KCNG4: variants seen among roughly 807,000 people sequenced by gnomAD.
KCNG4 encodes the protein voltage-gated potassium channel regulatory subunit KCNG4.
KCNG4 carries 30 observed loss-of-function variants against 28.2 expected under a neutral mutation model. That is an observed-to-expected ratio of 1.06 (90% CI 0.80 to 1.44). The LOEUF is 1.44. Among genes scored for constraint, KCNG4 ranks in the 40% most tolerant of loss-of-function variants. KCNG4 has a pLI of 0.00. For synonymous variants in KCNG4, 375 were observed against 315.5 expected (o/e 1.19, Z -2.00); for missense variants, 879 against 712.3 (o/e 1.23, Z -2.66).
At chr16:84,232,148 A>G (rs930073982) in intron 2 of KCNG4, among the ~76,000 whole-genome samples, 4 of 152,096 alleles carry the variant, frequency 2.6e-5, no homozygotes, top group African/African-American at 9.7e-5. Context: ...GGTCTTTGGA[A>G]CGTGTCTTTC....
chr16:84,238,426 T>C (rs974591955), intron 1 of KCNG4, among the ~76,000 whole-genome samples: 8 of 152,188 alleles, frequency 5.3e-5, no homozygotes, highest in African/African-American at 1.9e-4. Flanking sequence ...GCTTCCCCAT[T>C]TGGGGAGGCC....
chr16:84,224,823 G>C (rs1904660774), intron 2 of KCNG4, among the ~76,000 whole-genome samples: 1 of 152,188 alleles, frequency 6.6e-6, no homozygotes, highest in Non-Finnish European at 1.5e-5. Flanking sequence ...CACACAGCAA[G>C]TTTTTAGCAA....
intron 2 of KCNG4, among the ~76,000 whole-genome samples, chr16:84,227,018 A>G (rs1229815626): frequency 6.6e-6 from 1 of 152,208 alleles, no homozygotes; most frequent in Non-Finnish European, 1.5e-5. Context: ...AAAAGTTAAA[A>G]AAAAAAAGGA....
chr16:84,233,339 G>T (rs901407372), intron 2 of KCNG4, among the ~76,000 whole-genome samples: 8 of 152,224 alleles, frequency 5.3e-5, no homozygotes, highest in African/African-American at 1.9e-4. Context: ...GTTTTACAAA[G>T]TCTGGCTGCC....
rs141503122 is a variant in KCNG4 at position 84,237,045 on chromosome 16, C to G, written c.441G>C (p.Leu147=). The G allele has an allele frequency of 5.0e-6, 8 of 1,613,968 alleles. No individual in the cohort carries two copies. The African/African-American group carries it at 9.3e-5, about 19-fold the overall frequency. The change falls in exon 2 of 3, where the codon CTG becomes CTC. Residue 147 remains leucine (L), a synonymous_variant. Transcript: ENST00000308251. The part of the protein sequence containing the change: ...EMCALSFQEE[L]AYWGIEEAHL... ...GGGCCTCCTCGATGCCCCAGTAGGCCAGCTCCTCCTGGAAGGACAGCGCGC... is the reference window on the plus strand; with the variant it reads ...GGGCCTCCTCGATGCCCCAGTAGGCGAGCTCCTCCTGGAAGGACAGCGCGC...
At chr16:84,227,573 T>C (rs1365453954) in intron 2 of KCNG4, among the ~76,000 whole-genome samples, 2 of 151,944 alleles carry the variant, frequency 1.3e-5, no homozygotes, top group African/African-American at 2.4e-5. Flanking sequence ...CTAGAATCTG[T>C]CTCAGAAAAA....
At chr16:84,230,697 C>T (rs1363256109) in intron 2 of KCNG4, among the ~76,000 whole-genome samples, 1 of 152,252 alleles carries the variant, frequency 6.6e-6, no homozygotes, top group African/African-American at 2.4e-5. Flanking sequence ...CCGTGCAGTT[C>T]TGCTCCCTAA....
rs1213991719 is a variant in KCNG4 at position 84,220,100 on chromosome 16, C to A, written c.*2117G>T. ...TAAATAAGTAATAAATAAAATGTTA[C>A]TCTGGAACAGAAACACTTCTATGGC... On this transcript the variant is annotated 3_prime_UTR_variant, in exon 3 of 3. Coordinates refer to ENST00000308251, the MANE Select transcript of KCNG4 (RefSeq NM_172347.3). 6.6e-6 allele frequency: 1 copy of A among 152,106 alleles called. No individual in the cohort carries two copies. Among genetic ancestry groups the A allele is most frequent in the Admixed American group, 6.6e-5 (1 of 15,242 alleles). The allele number at this position is 152,106 out of a possible 1,614,324, so 9.4% of individuals were successfully genotyped here.
At chr16:84,233,261 T>G (rs980689825) in intron 2 of KCNG4, among the ~76,000 whole-genome samples, 2 of 152,190 alleles carry the variant, frequency 1.3e-5, no homozygotes, top group African/African-American at 4.8e-5. Context: ...ACTGGGTTAG[T>G]CATGGGTGAG....
intron 2 of KCNG4, among the ~76,000 whole-genome samples, chr16:84,229,690 G>A (rs1457194396): frequency 6.6e-6 from 1 of 152,182 alleles, no homozygotes; most frequent in Non-Finnish European, 1.5e-5. Flanking sequence ...TGGGGCATTT[G>A]CGGGGGGCTG....
rs113549874 is a variant in KCNG4, at chr16:84,234,070, G to A, written c.756+2660C>T. 5.9e-3 allele frequency among the ~76,000 whole-genome samples: 892 copies of A among 152,306 alleles called. 14 individuals are homozygous for A. Among genetic ancestry groups the A allele is most frequent in the African/African-American group, 0.02 (834 of 41,550 alleles). ...GGCATCGGTTCTTTCATCCTTTTGG[G>A]GAAGAGTCCCCCCTGGGAAATCCGG... On this transcript the variant is annotated intron_variant, in intron 2 of 2. Transcript: ENST00000308251.
intron 1 of KCNG4, among the ~76,000 whole-genome samples, chr16:84,238,593 C>A (rs1905033125): frequency 6.6e-6 from 1 of 152,222 alleles, no homozygotes; most frequent in South Asian, 2.1e-4. Context: ...GAAGGGGCCT[C>A]CAGCCGCAGT....
At chr16:84,233,496 A>C (rs1904873949) in intron 2 of KCNG4, among the ~76,000 whole-genome samples, 1 of 152,142 alleles carries the variant, frequency 6.6e-6, no homozygotes, top group Non-Finnish European at 1.5e-5. Flanking sequence ...TGAACTCAGG[A>C]GTTTGAGACC....
intron 2 of KCNG4, among the ~76,000 whole-genome samples, chr16:84,224,197 C>T (rs1041658684): frequency 1.3e-5 from 2 of 152,130 alleles, no homozygotes; most frequent in African/African-American, 2.4e-5. Flanking sequence ...TGAAGTTTGA[C>T]AGGCACTGTT....
rs546709962 is a variant in KCNG4, at chr16:84,237,203, C to T, written c.283G>A (p.Glu95Lys). Residue 95 changes from glutamate (E) to lysine (K), a missense_variant, in exon 2 of 3, where the codon GAG (glutamate) becomes AAG (lysine). Coordinates refer to ENST00000308251, the MANE Select transcript of KCNG4 (RefSeq NM_172347.3). ...TCATCGCAGAGCTGCACGATCTCCT[C>T]GTAGCTCCGACAGAGCCTGAGTTTG... ...LSKLRLCRSY[E>K]EIVQLCDDYD... 1.5e-5 allele frequency: 25 copies of T among 1,614,146 alleles called. No individual in the cohort carries two copies. The East Asian group carries it at 2.0e-4, about 13-fold the overall frequency.
chr16:84,228,585 C>T (rs1904749903), intron 2 of KCNG4, among the ~76,000 whole-genome samples: 1 of 152,146 alleles, frequency 6.6e-6, no homozygotes, highest in African/African-American at 2.4e-5. Flanking sequence ...AGCCGCAATC[C>T]CTCCTCCCCA....
intron 2 of KCNG4, among the ~76,000 whole-genome samples, chr16:84,227,314 C>T (rs1173555026): frequency 1.3e-5 from 2 of 152,338 alleles, no homozygotes; most frequent in East Asian, 1.9e-4. Context: ...TGGTGGCTCA[C>T]GCCTGTAATC....
Position 84,220,526 on chromosome 16 carries a change from T to C in KCNG4, c.*1691A>G, listed in dbSNP as rs1389862071. The C allele has an allele frequency of 6.6e-6, 1 of 152,262 alleles. No individual in the cohort carries two copies. The highest frequency in any genetic ancestry group is 1.5e-5 in the Non-Finnish European group (1 of 68,070). The allele number at this position is 152,262 out of a possible 1,614,324, so 9.4% of individuals were successfully genotyped here. On this transcript the variant is annotated 3_prime_UTR_variant, in exon 3 of 3. Transcript: ENST00000308251. Reference sequence around the variant, plus strand: ...GGGAAATCGCAAAAAACTAGCAGAATGAATGAACAGCAAGGAACTTGTTAC... The same window carrying C: ...GGGAAATCGCAAAAAACTAGCAGAACGAATGAACAGCAAGGAACTTGTTAC...
chr16:84,223,994 T>C (rs1313515583), intron 2 of KCNG4, among the ~76,000 whole-genome samples: 1 of 152,124 alleles, frequency 6.6e-6, no homozygotes, highest in Non-Finnish European at 1.5e-5. Flanking sequence ...CGTTCTGAGT[T>C]CTGTATTTTG....
Sources: gnomAD v4.1 joint callset for allele counts (sites outside exome capture counted in the v4.1 genomes callset) on GRCh38, gnomAD v4.1.1 for gene constraint, MANE v1.5 for transcripts, NCBI Gene and HGNC (gene_info 2026-07-23, HGNC 2026-07-21) for gene names.